Variants in NAT10 observed in about 807,000 individuals in gnomAD.
The protein encoded by NAT10 is N-acetyltransferase 10.
Under a neutral mutation model 132.2 loss-of-function variants are expected in NAT10, and 109 were observed. The ratio of observed to expected loss-of-function variants is 0.82; its 90% CI spans 0.71 to 0.97. The LOEUF (loss-of-function observed/expected upper bound fraction) is 0.97, where lower values mean the gene tolerates loss of function less well. Ranked by LOEUF, NAT10 falls within the 50% of genes least tolerant of loss-of-function variation. NAT10 has a pLI of 0.00. For synonymous variants in NAT10, 479 were observed against 478.0 expected (o/e 1.00, Z -0.03); for missense variants, 1,184 against 1,263.4 (o/e 0.94, Z 0.95).
At position 34,141,782 on chromosome 11, in the gene NAT10, A is replaced by G. The variant is rs1391360080; in HGVS notation, c.2776A>G (p.Met926Val). ...EQMVAAKDVV[M>V]EPTMKTLSDD... The stretch of plus-strand genomic sequence containing the variant: ...GATGGTGGCAGCGAAGGATGTGGTC[A>G]TGGAGCCCACGATGAAGACCCTCAG... The change falls in exon 26 of 29, where the codon ATG becomes GTG. Residue 926 changes from methionine to valine, a missense_variant. Met to Val is a conservative substitution (Grantham distance 21, BLOSUM62 1). Transcript: ENST00000257829. 2.5e-6 allele frequency: 4 copies of G among 1,614,054 alleles called. No homozygotes were observed. The Admixed American group carries it at 5.0e-5, about 20-fold the overall frequency.
chr11:34,127,985 A>C (rs1247880842), intron 12 of NAT10, among the ~76,000 whole-genome samples: 3 of 152,210 alleles, frequency 2.0e-5, no homozygotes, highest in Non-Finnish European at 4.4e-5. Context: ...ACTTTTTTTA[A>C]AATTTGAAAT....
At chr11:34,136,939 G>A (rs747374524) in intron 20 of NAT10, 39 bp from the exon 21 acceptor site, 5 of 1,613,732 alleles carry the variant, frequency 3.1e-6, no homozygotes, top group Non-Finnish European at 3.4e-6. Context: ...ACTCCCCAGA[G>A]GCCACACACA....
chr11:34,106,342 C>G lies in NAT10; in HGVS notation c.-16+550C>G, dbSNP rs897178971. Among the ~76,000 whole-genome samples the G allele has an allele frequency of 2.6e-5, 4 of 152,134 alleles. No homozygotes were observed. In the East Asian group the frequency reaches 5.8e-4, roughly 22 times the overall value. On this transcript the variant is annotated intron_variant, in intron 1 of 28. Transcript: ENST00000257829. ...ATAATCATCTCCTTCAAGGCCTTCC[C>G]CATCCAGGCCTTCCATGACAGCTTC...
intron 7 of NAT10, 26 bp from the exon 8 acceptor site, chr11:34,118,370 C>T (rs758196873): frequency 1.2e-6 from 2 of 1,611,446 alleles, no homozygotes; most frequent in Admixed American, 1.7e-5. Context: ...CAGTGACAGA[C>T]CTTCCCCTTC....
chr11:34,122,349 C>T (rs1050170107), intron 8 of NAT10, 110 bp from the exon 9 acceptor site: 39 of 1,401,456 alleles, frequency 2.8e-5, no homozygotes, highest in Middle Eastern at 1.8e-4. Context: ...CAAGAACTGC[C>T]GCCCTCTTAT....
At chr11:34,123,724 T>G in intron 9 of NAT10, 38 bp from the exon 10 acceptor site, 1 of 1,423,386 alleles carries the variant, frequency 7.0e-7, no homozygotes, top group Non-Finnish European at 9.8e-7. Context: ...AAGATGTTCC[T>G]AATTTCTTAA....
Position 34,122,608 on chromosome 11 carries a change from C to T in NAT10, c.914+16C>T. ...TGGCATTTGGGTAAGGGGATTCAGT[C>T]CCCCATCTTTAGGAACTCTGGGCTC... On this transcript the variant is annotated intron_variant, in intron 9 of 28. Transcript: ENST00000257829. The T allele has an allele frequency of 1.2e-6, 2 of 1,613,132 alleles. No homozygotes were observed. Among genetic ancestry groups the T allele is most frequent in the Non-Finnish European group, 1.7e-6 (2 of 1,179,576 alleles).
At chr11:34,117,211 AAAT>A in intron 6 of NAT10, among the ~76,000 whole-genome samples, 1 of 152,240 alleles carries the variant, frequency 6.6e-6, no homozygotes, top group East Asian at 1.9e-4. Context: ...TTTACCAAAA[AAAT>A]TTATTTTTTT....
intron 8 of NAT10, among the ~76,000 whole-genome samples, chr11:34,120,401 A>G (rs1590766138): frequency 6.6e-6 from 1 of 151,692 alleles, no homozygotes; most frequent in South Asian, 2.1e-4. Context: ...ATCTGGAGAA[A>G]CTCTGGCTTC....
intron 13 of NAT10, among the ~76,000 whole-genome samples, chr11:34,131,164 G>A (rs1244984615): frequency 6.6e-6 from 1 of 152,132 alleles, no homozygotes; most frequent in East Asian, 1.9e-4. Context: ...GTGTGTCCTT[G>A]TCTCAGGGCA....
chr11:34,124,496 T>G, intron 11 of NAT10, 96 bp downstream of exon 11: 2 of 788,826 alleles, frequency 2.5e-6, no homozygotes, highest in South Asian at 1.9e-5. Flanking sequence ...GTATGTCTTG[T>G]GTAATTGCAT....
At chr11:34,117,779 T>A (rs939684564) in intron 6 of NAT10, among the ~76,000 whole-genome samples, 1 of 152,144 alleles carries the variant, frequency 6.6e-6, no homozygotes, top group Non-Finnish European at 1.5e-5. Flanking sequence ...ATGAATTCAT[T>A]TGTATTTTTT....
At chr11:34,133,266 G>T in intron 16 of NAT10, 124 bp downstream of exon 16, 1 of 770,886 alleles carries the variant, frequency 1.3e-6, no homozygotes, top group East Asian at 2.6e-5. Context: ...GGAACCAAGG[G>T]GCTGGGTCTG....
chr11:34,141,277 G>GA (rs1852323585), intron 25 of NAT10, 69 bp downstream of exon 25: 1 of 1,602,190 alleles, frequency 6.2e-7, no homozygotes, highest in African/African-American at 1.3e-5. Context: ...CCCTGCTCCC[G>GA]AGATGAACAC....
rs764099079 is a variant in NAT10, at chr11:34,112,103, A to G, written c.252A>G (p.Thr84=). ...TGCAGAAGAAAATAAAGAATGGAAC[A>G]CTGAACATAAAGCAGGACGACCCCT... ...RQLQKKIKNG[T]LNIKQDDPFE... The change falls in exon 4 of 29, where the codon ACA becomes ACG. Residue 84 remains threonine (T), a synonymous_variant. Coordinates refer to ENST00000257829, the MANE Select transcript of NAT10 (RefSeq NM_024662.3). 1 of 1,614,208 alleles carries G rather than the reference A, an allele frequency of 6.2e-7. No homozygotes were observed. Among genetic ancestry groups the G allele is most frequent in the South Asian group, 1.1e-5 (1 of 91,078 alleles).
intron 9 of NAT10, among the ~76,000 whole-genome samples, chr11:34,123,527 A>G (rs1277474174): frequency 6.6e-6 from 1 of 152,210 alleles, no homozygotes; most frequent in Non-Finnish European, 1.5e-5. Context: ...TGTTCTGCAC[A>G]CCGAGGGCGT....
At chr11:34,128,052 A>G (rs983156887) in intron 12 of NAT10, among the ~76,000 whole-genome samples, 14 of 152,164 alleles carry the variant, frequency 9.2e-5, no homozygotes, top group African/African-American at 3.4e-4. Flanking sequence ...TAGAACAGGT[A>G]AGCAAAAGAA....
chr11:34,128,835 A>T (rs1365648660), intron 12 of NAT10, among the ~76,000 whole-genome samples: 2 of 152,162 alleles, frequency 1.3e-5, no homozygotes, highest in African/African-American at 4.8e-5. Context: ...ATCCTCCTCC[A>T]GTTCCTCCAC....
intron 11 of NAT10, 64 bp from the exon 12 acceptor site, chr11:34,127,399 G>T (rs913218967): frequency 1.4e-6 from 2 of 1,452,608 alleles, no homozygotes; most frequent in African/African-American, 2.8e-5. Flanking sequence ...ATGATGAGTC[G>T]CCAGTAATCA....
Sources: gnomAD v4.1 joint callset for allele counts (sites outside exome capture counted in the v4.1 genomes callset) on GRCh38, gnomAD v4.1.1 for gene constraint, MANE v1.5 for transcripts, NCBI Gene and HGNC (gene_info 2026-07-23, HGNC 2026-07-21) for gene names.